MTUS1: variants seen among roughly 807,000 people sequenced by gnomAD.
MTUS1 encodes microtubule associated scaffold protein 1.
A neutral mutation model predicts 120.8 loss-of-function variants in MTUS1; 109 were observed. The observed-to-expected ratio is 0.90, with a 90% CI of 0.77 to 1.06. The LOEUF (loss-of-function observed/expected upper bound fraction) is 1.06. MTUS1 is among the 50% of genes least tolerant of loss of function. The pLI, the probability that MTUS1 is intolerant of heterozygous loss-of-function variation, is 0.00. For missense variants in MTUS1, 2,210 were observed against 1,486.3 expected (o/e 1.49, Z -8.01); for synonymous variants, 737 against 550.5 (o/e 1.34, Z -4.74).
intron 1 of MTUS1, among the ~76,000 whole-genome samples, chr8:17,765,791 G>C (rs1384281775): frequency 1.3e-5 from 2 of 150,482 alleles, no homozygotes; most frequent in East Asian, 3.9e-4. Flanking sequence ...TCAATTCAAG[G>C]ACAGTATACT....
chr8:17,649,842 A>C lies in MTUS1; in HGVS notation c.3501+4T>G. 125 of 1,454,660 alleles carry C rather than the reference A, an allele frequency of 8.6e-5. No individual in the cohort carries two copies. Among genetic ancestry groups the C allele is most frequent in the Non-Finnish European group, 1.2e-4 (120 of 1,035,136 alleles). 90.1% of individuals were successfully genotyped at this position (1,454,660 alleles called of 1,614,324 possible). A position where few individuals can be genotyped will look rare whatever the true frequency, so the allele number is the denominator to read the frequency against. On this transcript the variant is annotated splice_donor_region_variant and intron_variant, in intron 13 of 14. Coordinates refer to ENST00000693296, the MANE Select transcript of MTUS1 (RefSeq NM_001363059.2). ...GATCCTCTTTCATTCTGAAGGAAAC[A>C]TACCAGTTTCTCCATTTTCATTAAC... is the stretch of plus-strand genomic sequence containing the variant.
chr8:17,731,510 A>G lies in MTUS1; in HGVS notation c.2288-7677T>C, dbSNP rs144896819. Among the ~76,000 whole-genome samples, 640 of 152,324 alleles carry G rather than the reference A, an allele frequency of 4.2e-3. 2 individuals carry two copies. The highest frequency in any genetic ancestry group is 0.015 in the African/African-American group (616 of 41,590). ...ACCAAAATAAATTAAATTGGATTAC[A>G]ACGCAAAGGGCTTAAGATGAAACCA... On this transcript the variant is annotated intron_variant, in intron 3 of 14. Coordinates refer to ENST00000693296, the MANE Select transcript of MTUS1 (RefSeq NM_001363059.2).
At chr8:17,787,769 C>A (rs1018650397) in intron 1 of MTUS1, among the ~76,000 whole-genome samples, 2 of 152,188 alleles carry the variant, frequency 1.3e-5, no homozygotes, top group Non-Finnish European at 2.9e-5. Flanking sequence ...GTAAAACAAG[C>A]CTTATTATCA....
chr8:17,789,795 G>C (rs1222299126), intron 1 of MTUS1, among the ~76,000 whole-genome samples: 1 of 152,110 alleles, frequency 6.6e-6, no homozygotes, highest in Non-Finnish European at 1.5e-5. Context: ...TCCAACCAGG[G>C]CCTATTTATA....
At chr8:17,686,863 A>G (rs1031650488) in intron 6 of MTUS1, among the ~76,000 whole-genome samples, 4 of 152,238 alleles carry the variant, frequency 2.6e-5, no homozygotes, top group African/African-American at 4.8e-5. Context: ...CATTTTTTAT[A>G]CTTTTTAACC....
At position 17,676,317 on chromosome 8, in the gene MTUS1, TG is replaced by T; in HGVS notation, c.2839-1066del. 2.8e-6 allele frequency: 2 copies of T among 703,070 alleles called. 1 individual carries two copies. Among genetic ancestry groups the T allele is most frequent in the South Asian group, 3.0e-5 (2 of 67,598 alleles). The allele number at this position is 703,070 out of a possible 1,614,324, so 43.6% of individuals were successfully genotyped here. A position where few individuals can be genotyped will look rare whatever the true frequency, so the allele number is the denominator to read the frequency against. On this transcript the variant is annotated intron_variant, in intron 7 of 14. Coordinates refer to ENST00000693296, the MANE Select transcript of MTUS1 (RefSeq NM_001363059.2). ...GGAGAATAGAGGCACAGTTTGCTGCTGGGGCAGCCCATTTTCCAGCTTCTGT... is the reference window on the plus strand; with the variant it reads ...GGAGAATAGAGGCACAGTTTGCTGCTGGGCAGCCCATTTTCCAGCTTCTGT...
chr8:17,684,784 T>C (rs1428626270), intron 6 of MTUS1, among the ~76,000 whole-genome samples: 1 of 152,184 alleles, frequency 6.6e-6, no homozygotes, highest in African/African-American at 2.4e-5. Flanking sequence ...ATTAGGAACA[T>C]GACACAAATG....
At position 17,753,831 on chromosome 8, in the gene MTUS1, A is replaced by G. The variant is rs2048372524; in HGVS notation, c.1977T>C (p.Ile659=). ...ECLEMTYVPN[I]DRISPEKKGE... ...CCTTCTTTTCAGGGCTAATCCTATC[A>G]ATGTTGGGAACATAGGTCATTTCCA... is the stretch of plus-strand genomic sequence containing the variant. Residue 659 remains isoleucine, a synonymous_variant, in exon 2 of 15, where the codon ATT becomes ATC. Transcript: ENST00000693296. 1.2e-6 allele frequency: 2 copies of G among 1,614,134 alleles called. No homozygotes were observed.
intron 4 of MTUS1, chr8:17,722,074 A>C: frequency 7.6e-7 from 1 of 1,322,164 alleles, no homozygotes; most frequent in Non-Finnish European, 9.6e-7. Context: ...TAAGAAAGAG[A>C]CTCACTGATT....
At chr8:17,703,199 T>TATAA (rs1819452866) in intron 6 of MTUS1, among the ~76,000 whole-genome samples, 1 of 152,188 alleles carries the variant, frequency 6.6e-6, no homozygotes, top group South Asian at 2.1e-4. Context: ...GCAGAGAGCC[T>TATAA]ATAAATGGAC....
At chr8:17,665,058 G>T (rs1371089457) in intron 8 of MTUS1, among the ~76,000 whole-genome samples, 1 of 152,194 alleles carries the variant, frequency 6.6e-6, no homozygotes, top group Non-Finnish European at 1.5e-5. Context: ...GTGAAACAGA[G>T]TTACTCTTAT....
intron 13 of MTUS1, among the ~76,000 whole-genome samples, chr8:17,648,747 C>A (rs530707538): frequency 6.6e-6 from 1 of 152,228 alleles, no homozygotes; most frequent in South Asian, 2.1e-4. Context: ...TCCCCCATGT[C>A]CCCTACTGTC....
chr8:17,786,427 T>C (rs1228670130), intron 1 of MTUS1, among the ~76,000 whole-genome samples: 2 of 151,946 alleles, frequency 1.3e-5, no homozygotes, highest in Admixed American at 6.6e-5. Context: ...ATCTCAGAAG[T>C]GGGTGAGCCG....
At chr8:17,652,835 C>CAAAAA in intron 12 of MTUS1, among the ~76,000 whole-genome samples, 1 of 129,966 alleles carries the variant, frequency 7.7e-6, no homozygotes, top group Non-Finnish European at 1.7e-5. Context: ...GACTCCCTCT[C>CAAAAA]AAAAAAAAAA....
chr8:17,727,432 C>T (rs1288557075), intron 3 of MTUS1, among the ~76,000 whole-genome samples: 4 of 152,196 alleles, frequency 2.6e-5, no homozygotes, highest in Admixed American at 1.3e-4. Flanking sequence ...GGCTTGGAGG[C>T]AGACAGAGTT....
chr8:17,753,883 G>C lies in MTUS1; in HGVS notation c.1925C>G (p.Pro642Arg). 3 of 1,614,164 alleles carry C rather than the reference G, an allele frequency of 1.9e-6. No homozygotes were observed. Among genetic ancestry groups the C allele is most frequent in the Non-Finnish European group, 2.5e-6 (3 of 1,180,024 alleles). Residue 642 changes from proline to arginine, a missense_variant, in exon 2 of 15, where the codon CCT becomes CGT. Pro to Arg is a moderately radical substitution (Grantham distance 103). Transcript: ENST00000693296. Reference protein sequence around the residue: ...ALFQKIKGILPVKMESAECLE... With the variant: ...ALFQKIKGILRVKMESAECLE... ...ACATTCTGCACTTTCCATTTTAACA[G>C]GGAGTATGCCTTTGATCTTCTGAAA...
intron 8 of MTUS1, among the ~76,000 whole-genome samples, chr8:17,673,716 A>G (rs1033872401): frequency 6.6e-6 from 1 of 152,118 alleles, no homozygotes; most frequent in African/African-American, 2.4e-5. Flanking sequence ...CAGCCTCCCA[A>G]AGCGCTGGGA....
At chr8:17,791,921 G>A (rs2051817529) in intron 1 of MTUS1, among the ~76,000 whole-genome samples, 1 of 152,180 alleles carries the variant, frequency 6.6e-6, no homozygotes, top group Admixed American at 6.5e-5. Flanking sequence ...ACCTGTGTCA[G>A]AATAACCCCA....
rs1585536772 is a variant in MTUS1 at position 17,667,874 on chromosome 8, G to A, written c.2905+7312C>T. 2.0e-5 allele frequency among the ~76,000 whole-genome samples: 3 copies of A among 152,154 alleles called. No homozygotes were observed. The South Asian group carries it at 6.2e-4, about 31-fold the overall frequency. On this transcript the variant is annotated intron_variant, in intron 8 of 14. Transcript: ENST00000693296. ...ACTGAGAGCTGAACATTGTTTGTTA[G>A]GGATGAGTAGGCACCAAACACACGA...
Sources: allele counts gnomAD v4.1 joint callset (sites outside exome capture counted in the v4.1 genomes callset), GRCh38; gene constraint gnomAD v4.1.1; transcripts MANE v1.5; gene names NCBI Gene and HGNC (gene_info 2026-07-23, HGNC 2026-07-21).